HEATR6: variants seen among roughly 807,000 people sequenced by gnomAD.
The protein encoded by HEATR6 is HEAT repeat-containing protein 6.
A neutral mutation model predicts 132.8 loss-of-function variants in HEATR6; 106 were observed. That is an observed-to-expected ratio of 0.80 (90% CI 0.68 to 0.94). The LOEUF (loss-of-function observed/expected upper bound fraction) is 0.94. HEATR6 is among the 40% of genes least tolerant of loss of function. The pLI is 0.00. For missense variants in HEATR6, 1,339 were observed against 1,425.1 expected, an observed-to-expected ratio of 0.94 and a Z score of 0.97; for synonymous variants, 529 against 537.8, an observed-to-expected ratio of 0.98 and a Z score of 0.23.
rs1443990708 is a variant in HEATR6, at chr17:60,041,993, G to A, written c.*1570C>T. Among the ~76,000 whole-genome samples the A allele has an allele frequency of 2.6e-5, 4 of 152,070 alleles. No homozygotes were observed. The highest frequency in any genetic ancestry group is 9.7e-5 in the African/African-American group (4 of 41,408). ...AATCGTTGGTGCTCAGTAGAAAAAT[G>A]CAAAATTTAAATATATATATTCAGT... On this transcript the variant is annotated 3_prime_UTR_variant, in exon 20 of 20. Transcript: ENST00000184956.
At chr17:60,059,671 C>T (rs1899915173) in intron 10 of HEATR6, 150 bp from the exon 11 acceptor site, 1 of 650,274 alleles carries the variant, frequency 1.5e-6, no homozygotes, top group South Asian at 2.0e-5. Flanking sequence ...CTCATTGGTA[C>T]AACTAAAGAT....
chr17:60,048,191 G>A (rs894042160), intron 17 of HEATR6, 73 bp downstream of exon 17: 1 of 1,499,218 alleles, frequency 6.7e-7, no homozygotes, highest in Non-Finnish European at 9.1e-7. Context: ...TTCTTTCATG[G>A]TAGAGATCGA....
At chr17:60,068,752 C>T (rs1054477097) in intron 7 of HEATR6, among the ~76,000 whole-genome samples, 1 of 152,022 alleles carries the variant, frequency 6.6e-6, no homozygotes, top group Non-Finnish European at 1.5e-5. Context: ...TGTACTGCTA[C>T]TCACTCTGAA....
chr17:60,050,961 G>A lies in HEATR6; in HGVS notation c.2306C>T (p.Thr769Ile), dbSNP rs554375873. The A allele has an allele frequency of 1.9e-6, 3 of 1,614,150 alleles. No homozygotes were observed. Among genetic ancestry groups the A allele is most frequent in the African/African-American group, 2.7e-5 (2 of 75,040 alleles). Residue 769 changes from threonine to isoleucine, a missense_variant, in exon 15 of 20, where the codon ACT becomes ATT. Coordinates refer to ENST00000184956, the MANE Select transcript of HEATR6 (RefSeq NM_022070.5). ...GGGTAAAGGACCGTTCAGCATCATA[G>A]TCCAGAACATCACCACCTGGAACGG... ...APVFLVVMFW[T>I]MMLNGPLPRA...
rs148065190 is a variant in HEATR6, at chr17:60,048,707, C to T, written c.2548-319G>A. Among the ~76,000 whole-genome samples the T allele has an allele frequency of 6.8e-3, 1,039 of 151,932 alleles. 14 individuals carry two copies. The highest frequency in any genetic ancestry group is 0.024 in the African/African-American group (997 of 41,436). On this transcript the variant is annotated intron_variant, in intron 16 of 19. Coordinates refer to ENST00000184956, the MANE Select transcript of HEATR6 (RefSeq NM_022070.5). ...TTCTGTGCTTGGTTGATTTCCGTCT[C>T]GGGAAATAATGTTCTGAAAAAGAAA... is the stretch of plus-strand genomic sequence containing the variant.
chr17:60,053,943 C>T (rs1003099907), intron 14 of HEATR6, among the ~76,000 whole-genome samples: 2 of 152,216 alleles, frequency 1.3e-5, no homozygotes, highest in African/African-American at 4.8e-5. Context: ...AATCCAAGCT[C>T]GGAGCAACCA....
At chr17:60,068,243 T>C (rs889345042) in intron 7 of HEATR6, among the ~76,000 whole-genome samples, 11 of 152,146 alleles carry the variant, frequency 7.2e-5, no homozygotes, top group African/African-American at 2.7e-4. Flanking sequence ...GTCTATTACA[T>C]ACAATGCTCA....
At chr17:60,064,851 T>C (rs908897264) in intron 9 of HEATR6, 1 of 152,164 alleles carries the variant, frequency 6.6e-6, no homozygotes, top group African/African-American at 2.4e-5. Flanking sequence ...ATTATTCCAA[T>C]TCATTTTCAT....
At position 60,043,363 on chromosome 17, in the gene HEATR6, C is replaced by A; in HGVS notation, c.*200G>T. The A allele has an allele frequency of 1.8e-6, 1 of 568,918 alleles. No homozygotes were observed. 35.2% of individuals were successfully genotyped at this position (568,918 alleles called of 1,614,324 possible). ...TGGATGCACAGGTCAGATGTTCCAA[C>A]AACCCTGACCATGGCCAGTGCTATG... On this transcript the variant is annotated 3_prime_UTR_variant, in exon 20 of 20. Transcript: ENST00000184956.
At chr17:60,048,957 A>G (rs955781213) in intron 16 of HEATR6, among the ~76,000 whole-genome samples, 3 of 111,210 alleles carry the variant, frequency 2.7e-5, no homozygotes, top group Non-Finnish European at 4.9e-5. Flanking sequence ...GTAATTAAAA[A>G]TTAAAAATAA....
rs777603475 is a variant in HEATR6 at position 60,055,570 on chromosome 17, T to C, written c.2234A>G (p.Gln745Arg). 6.2e-7 allele frequency: 1 copy of C among 1,613,516 alleles called. No individual in the cohort carries two copies. The highest frequency in any genetic ancestry group is 8.5e-7 in the Non-Finnish European group (1 of 1,179,700). ...LLEELGTGLI[Q>R]QYKPDSTAAP... ...TGCAGTGGAGTCTGGTTTATACTGC[T>C]GTATTAAGCCTGTGCCCAGTTCTTC... The change falls in exon 14 of 20, where the codon CAG becomes CGG. Residue 745 changes from glutamine to arginine, a missense_variant. Transcript: ENST00000184956.
At chr17:60,061,833 G>C (rs1380295191) in intron 9 of HEATR6, among the ~76,000 whole-genome samples, 2 of 152,228 alleles carry the variant, frequency 1.3e-5, no homozygotes, top group Non-Finnish European at 2.9e-5. Flanking sequence ...AACTCAACAA[G>C]ATAGATCTTA....
intron 16 of HEATR6, 131 bp from the exon 17 acceptor site, chr17:60,048,519 T>G (rs975826568): frequency 2.3e-6 from 2 of 870,706 alleles, no homozygotes; most frequent in African/African-American, 3.4e-5. Flanking sequence ...ATTCATCTAC[T>G]CAATCAATTT....
In HEATR6 at chr17:60,050,985, G is replaced by C; in HGVS notation, c.2290-8C>G. On this transcript the variant is annotated splice_polypyrimidine_tract_variant and splice_region_variant and intron_variant, in intron 14 of 19. Coordinates refer to ENST00000184956, the MANE Select transcript of HEATR6 (RefSeq NM_022070.5). ...AGTCCAGAACATCACCACCTGGAACGGAGGCAAAGTAAAAGCTGCAGCCCA... is the reference window on the plus strand; with the variant it reads ...AGTCCAGAACATCACCACCTGGAACCGAGGCAAAGTAAAAGCTGCAGCCCA... 1 of 1,613,794 alleles carries C rather than the reference G, an allele frequency of 6.2e-7. No homozygotes were observed. Among genetic ancestry groups the C allele is most frequent in the South Asian group, 1.1e-5 (1 of 90,988 alleles).
At chr17:60,067,246 G>A (rs2083246191) in intron 8 of HEATR6, among the ~76,000 whole-genome samples, 188 bp downstream of exon 8, 1 of 146,444 alleles carries the variant, frequency 6.8e-6, no homozygotes, top group African/African-American at 2.6e-5. Flanking sequence ...CTCCAGCCTG[G>A]GCGACAGAGC....
chr17:60,073,999 T>C, intron 2 of HEATR6, 113 bp from the exon 3 acceptor site: 1 of 1,435,638 alleles, frequency 7.0e-7, no homozygotes, highest in Non-Finnish European at 9.1e-7. Flanking sequence ...TGTGTGTCTG[T>C]CGTTTATGTG....
intron 10 of HEATR6, 77 bp from the exon 11 acceptor site, chr17:60,059,598 A>T: frequency 9.8e-7 from 1 of 1,017,490 alleles, no homozygotes; most frequent in South Asian, 1.5e-5. Context: ...GCATTTAATT[A>T]AAAAAGAAAA....
At chr17:60,044,815 C>T (rs1206780884) in intron 19 of HEATR6, among the ~76,000 whole-genome samples, 1 of 152,162 alleles carries the variant, frequency 6.6e-6, no homozygotes, top group South Asian at 2.1e-4. Context: ...TTCTCTGTTG[C>T]CTCTGAAGAC....
chr17:60,060,178 A>G, intron 9 of HEATR6, 82 bp from the exon 10 acceptor site: 1 of 917,768 alleles, frequency 1.1e-6, no homozygotes, highest in East Asian at 2.4e-5. Flanking sequence ...TTAATGTTCA[A>G]AGTATTTACA....
Sources: gnomAD v4.1 joint callset for allele counts (sites outside exome capture counted in the v4.1 genomes callset) on GRCh38, gnomAD v4.1.1 for gene constraint, MANE v1.5 for transcripts, NCBI Gene and HGNC (gene_info 2026-07-23, HGNC 2026-07-21) for gene names.